ARFGEF1: variants seen among roughly 807,000 people sequenced by gnomAD.
ARFGEF1 encodes ARF guanine nucleotide exchange factor 1, also known as brefeldin A-inhibited guanine nucleotide-exchange protein 1.
In ARFGEF1, 42 loss-of-function variants were observed where a neutral mutation model predicts 231.0. The ratio of observed to expected loss-of-function variants is 0.18; its 90% confidence interval spans 0.14 to 0.24. The LOEUF (loss-of-function observed/expected upper bound fraction) is 0.24, where lower values mean the gene tolerates loss of function less well. Among genes scored for constraint, ARFGEF1 ranks in the 10% least tolerant of loss-of-function variants. ARFGEF1 has a pLI of 1.00. For missense variants in ARFGEF1, 1,345 were observed against 2,192.0 expected (o/e 0.61, Z 7.72); for synonymous variants, 710 against 732.3 (o/e 0.97, Z 0.49).
chr8:67,233,655 T>C (rs1839624110), intron 22 of ARFGEF1, among the ~76,000 whole-genome samples: 1 of 152,004 alleles, frequency 6.6e-6, no homozygotes, highest in Non-Finnish European at 1.5e-5. Context: ...CATGAGTGAT[T>C]TCCCTGCCAT....
At chr8:67,245,181 A>G (rs1840066438) in intron 19 of ARFGEF1, among the ~76,000 whole-genome samples, 1 of 150,686 alleles carries the variant, frequency 6.6e-6, no homozygotes, top group Non-Finnish European at 1.5e-5. Context: ...ATGAAAGCTG[A>G]GGGATTTCAT....
At chr8:67,280,146 T>C (rs986469414) in intron 7 of ARFGEF1, among the ~76,000 whole-genome samples, 3 of 152,222 alleles carry the variant, frequency 2.0e-5, no homozygotes, top group Admixed American at 6.5e-5. Context: ...ATGCAAAGAA[T>C]AGGCCAACCT....
chr8:67,274,685 T>C lies in ARFGEF1; in HGVS notation c.1337+1291A>G, dbSNP rs77600503. Among the ~76,000 whole-genome samples, 599 of 152,258 alleles carry C rather than the reference T, an allele frequency of 3.9e-3. 3 individuals carry two copies. Among genetic ancestry groups the C allele is most frequent in the South Asian group, 7.0e-3 (34 of 4,830 alleles). ...CTTCTTTTCTGTTTCTAGCATTCTT[T>C]CAAATCACAATTTTTACATTTGATT... On this transcript the variant is annotated intron_variant, in intron 9 of 38. Transcript: ENST00000262215.
chr8:67,175,082 A>G (rs536519218), downstream of ARFGEF1: 7 of 498,872 alleles, frequency 1.4e-5, no homozygotes, highest in South Asian at 1.3e-4. Context: ...TTATGTTGGT[A>G]AGTTTGTGAA....
intron 15 of ARFGEF1, 47 bp downstream of exon 15, chr8:67,259,768 T>A: frequency 1.4e-6 from 2 of 1,403,726 alleles, no homozygotes; most frequent in South Asian, 1.3e-5. Context: ...GAAAAAAAAA[T>A]CCCAAGAATT....
chr8:67,212,553 C>T (rs149194322), intron 33 of ARFGEF1, among the ~76,000 whole-genome samples: 68 of 152,258 alleles, frequency 4.5e-4, no homozygotes, highest in African/African-American at 1.5e-3. Context: ...TGGCAGCTGA[C>T]CCTACTCCTC....
Position 67,277,320 on chromosome 8 carries a change from G to A in ARFGEF1, c.1165C>T (p.Pro389Ser). 6.2e-7 allele frequency: 1 copy of A among 1,613,638 alleles called. No homozygotes were observed. The highest frequency in any genetic ancestry group is 1.1e-5 in the South Asian group (1 of 91,068). ...GAAGAGACTGACAATCTATCATCAG[G>A]TAAGGATGGTGTATATGCAACAGAA... ...PISVAYTPSLPDDRLSVSSND... is the reference protein window; with the variant it reads ...PISVAYTPSLSDDRLSVSSND... The change falls in exon 8 of 39, where the codon CCT (proline) becomes TCT (serine). Residue 389 changes from proline (P) to serine (S), a missense_variant. Transcript: ENST00000262215.
At chr8:67,182,315 CCCT>C (rs945162066) in intron 5 of ARFGEF1, among the ~76,000 whole-genome samples, 3 of 144,980 alleles carry the variant, frequency 2.1e-5, no homozygotes, top group Non-Finnish European at 2.9e-5. Context: ...GCCAGATTTC[CCCT>C]TTTTTTTTTT....
downstream of ARFGEF1, chr8:67,195,289 G>T (rs1837682576): frequency 1.2e-6 from 1 of 805,208 alleles, no homozygotes; most frequent in African/African-American, 1.7e-5. Flanking sequence ...GGGAAATGCT[G>T]AGTTGTAATG....
chr8:67,188,948 G>A (rs1040537355), intron 5 of ARFGEF1, among the ~76,000 whole-genome samples: 1 of 152,034 alleles, frequency 6.6e-6, no homozygotes, highest in Non-Finnish European at 1.5e-5. Context: ...GTGAGGCCAA[G>A]AACCCCAGGT....
chr8:67,289,113 T>C (rs1805887901), intron 6 of ARFGEF1, among the ~76,000 whole-genome samples: 1 of 152,048 alleles, frequency 6.6e-6, no homozygotes, highest in South Asian at 2.1e-4. Flanking sequence ...ATGTTGAAAA[T>C]ATGTCAAAGC....
At chr8:67,341,906 G>A (rs1025777327) in intron 1 of ARFGEF1, among the ~76,000 whole-genome samples, 1 of 151,162 alleles carries the variant, frequency 6.6e-6, no homozygotes, top group Non-Finnish European at 1.5e-5. Context: ...ACATTCAAAT[G>A]TTTTAAGATG....
At chr8:67,322,001 C>A (rs565642240) in intron 1 of ARFGEF1, among the ~76,000 whole-genome samples, 2 of 152,318 alleles carry the variant, frequency 1.3e-5, no homozygotes, top group African/African-American at 4.8e-5. Context: ...TTCCACACTC[C>A]AATTGTAAAG....
intron 5 of ARFGEF1, chr8:67,175,605 G>C: frequency 1.3e-6 from 1 of 773,590 alleles, no homozygotes; most frequent in Non-Finnish European, 2.3e-6. Flanking sequence ...GTATGAGAGA[G>C]AGCTCTGAGT....
At chr8:67,311,431 C>A (rs575362914) in intron 1 of ARFGEF1, among the ~76,000 whole-genome samples, 4 of 134,840 alleles carry the variant, frequency 3.0e-5, no homozygotes, top group Non-Finnish European at 6.4e-5. Flanking sequence ...GTCAGCCCCC[C>A]GCCCGGCCAG....
At chr8:67,227,393 C>T in intron 26 of ARFGEF1, 54 bp downstream of exon 26, 1 of 1,598,258 alleles carries the variant, frequency 6.3e-7, no homozygotes, top group Non-Finnish European at 8.6e-7. Flanking sequence ...TTTCTCCCTG[C>T]TGTGGAAAAC....
At position 67,296,437 on chromosome 8, in the gene ARFGEF1, G is replaced by A; in HGVS notation, c.633C>T (p.Asn211=). The A allele has an allele frequency of 1.2e-6, 2 of 1,613,660 alleles. No individual in the cohort carries two copies. The highest frequency in any genetic ancestry group is 2.2e-5 in the South Asian group (2 of 91,062). The change falls in exon 5 of 39, where the codon AAC becomes AAT. Residue 211 remains asparagine, a synonymous_variant. Coordinates refer to ENST00000262215, the MANE Select transcript of ARFGEF1 (RefSeq NM_006421.5). ...MLNVIFARME[N]QALQEAKQME... ...CTCTTCTTAAAATACTTACTGCTTG[G>A]TTTTCCATGCGTGCAAAGATAACAT...
chr8:67,237,124 T>C (rs1412630080), intron 22 of ARFGEF1, among the ~76,000 whole-genome samples: 1 of 152,192 alleles, frequency 6.6e-6, no homozygotes, highest in Non-Finnish European at 1.5e-5. Flanking sequence ...TCAGTGCACA[T>C]TCACTTCCCT....
At chr8:67,301,869 G>A (rs1333738466) in intron 2 of ARFGEF1, among the ~76,000 whole-genome samples, 2 of 152,098 alleles carry the variant, frequency 1.3e-5, no homozygotes, top group Non-Finnish European at 2.9e-5. Context: ...TATTTCAGAA[G>A]TATCTTTATA....
Sources: allele counts gnomAD v4.1 joint callset (sites outside exome capture counted in the v4.1 genomes callset), GRCh38; gene constraint gnomAD v4.1.1; transcripts MANE v1.5; gene names NCBI Gene and HGNC (gene_info 2026-07-23, HGNC 2026-07-21).